Variants in CWC27 observed in about 807,000 individuals in gnomAD.
The protein encoded by CWC27 is CWC27 spliceosome associated cyclophilin.
Under a neutral mutation model 63.6 loss-of-function variants are expected in CWC27, and 47 were observed. The observed-to-expected ratio is 0.74, with a 90% CI of 0.58 to 0.94. The LOEUF is 0.94. Among genes scored for constraint, CWC27 ranks in the 40% least tolerant of loss-of-function variants. The probability of loss-of-function intolerance (pLI) is 0.00; values close to 1 mark genes in which losing one functional copy is unlikely to be tolerated. For synonymous variants in CWC27, 175 were observed against 179.8 expected (o/e 0.97, Z 0.22); for missense variants, 495 against 554.3 (o/e 0.89, Z 1.07).
intron 11 of CWC27, among the ~76,000 whole-genome samples, chr5:64,942,562 C>G (rs1748506675): frequency 6.6e-6 from 1 of 151,928 alleles, no homozygotes; most frequent in Non-Finnish European, 1.5e-5. Context: ...TGGATGTACC[C>G]CCTCTGCATA....
intron 13 of CWC27, among the ~76,000 whole-genome samples, chr5:65,012,753 G>A (rs1749985046): frequency 6.6e-6 from 1 of 152,134 alleles, no homozygotes; most frequent in African/African-American, 2.4e-5. Context: ...TTGTCATTAG[G>A]AACCAGCTGT....
At chr5:64,839,072 A>G (rs1363705235) in intron 10 of CWC27, among the ~76,000 whole-genome samples, 2 of 152,172 alleles carry the variant, frequency 1.3e-5, no homozygotes, top group East Asian at 1.9e-4. Context: ...CTTTAATGGA[A>G]TCCTTTTTGT....
At chr5:64,983,314 TAGG>T (rs1417355140) in intron 13 of CWC27, among the ~76,000 whole-genome samples, 16 of 152,344 alleles carry the variant, frequency 1.1e-4, no homozygotes, top group South Asian at 8.3e-4. Flanking sequence ...TCTGGCATGA[TAGG>T]AGCATATCTG....
At chr5:64,789,123 A>C (rs1743988327) in intron 7 of CWC27, 103 bp downstream of exon 7, 1 of 675,568 alleles carries the variant, frequency 1.5e-6, no homozygotes, top group South Asian at 2.8e-5. Context: ...CATGTTTTAC[A>C]TGGGGCAGGC....
At position 64,783,828 on chromosome 5, in the gene CWC27, C is replaced by T. The variant is rs2112165600; in HGVS notation, c.253-8C>T. On this transcript the variant is annotated splice_polypyrimidine_tract_variant and splice_region_variant and intron_variant, in intron 3 of 13. Transcript: ENST00000381070. ...TGAGGACATTCACTAAATCTTTTTA[C>T]ATTTCAGGATGAATTTCATTCACGG... is the stretch of plus-strand genomic sequence containing the variant. 6.4e-7 allele frequency: 1 copy of T among 1,551,790 alleles called. No individual in the cohort carries two copies. Among genetic ancestry groups the T allele is most frequent in the South Asian group, 1.3e-5 (1 of 79,956 alleles).
intron 10 of CWC27, among the ~76,000 whole-genome samples, chr5:64,861,253 A>AT (rs903260364): frequency 9.1e-4 from 131 of 143,522 alleles, no homozygotes; most frequent in East Asian, 5.2e-3. Context: ...GCCTCTTCTT[A>AT]TTTTTTTTTT....
intron 11 of CWC27, among the ~76,000 whole-genome samples, chr5:64,940,842 CTT>C (rs70983655): frequency 0.02 from 1,285 of 64,988 alleles, 5 homozygotes; most frequent in Admixed American, 0.075. Flanking sequence ...TTCTTTCTTT[CTT>C]TTTTTTTTTT....
chr5:64,853,382 A>G (rs537976925), intron 10 of CWC27, among the ~76,000 whole-genome samples: 3 of 152,338 alleles, frequency 2.0e-5, no homozygotes, highest in Non-Finnish European at 4.4e-5. Flanking sequence ...ATTGAGCACT[A>G]TCATATGCAA....
chr5:65,018,569 T>A lies in CWC27; in HGVS notation c.*248T>A, dbSNP rs1008424868. On this transcript the variant is annotated 3_prime_UTR_variant, in exon 14 of 14. Transcript: ENST00000381070. ...TGCTAAATCTGAAATAAAATAACTT[T>A]CCTTCCACATTACATGTTAACCATT... The A allele has an allele frequency of 3.5e-6, 1 of 287,768 alleles. No individual in the cohort carries two copies. The highest frequency in any genetic ancestry group is 6.4e-6 in the Non-Finnish European group (1 of 156,514). The allele number at this position is 287,768 out of a possible 1,614,324, so 17.8% of individuals were successfully genotyped here.
At chr5:64,878,470 T>TAAAAAAAAAAGAAAAAA (rs1746850081) in intron 10 of CWC27, among the ~76,000 whole-genome samples, 1 of 26,914 alleles carries the variant, frequency 3.7e-5, no homozygotes, top group East Asian at 1.6e-3. Context: ...GGTTACAGAT[T>TAAAAAAAAAAGAAAAAA]AAAAAAAAAA....
chr5:64,909,442 T>C (rs1747738239), intron 11 of CWC27, among the ~76,000 whole-genome samples: 3 of 152,194 alleles, frequency 2.0e-5, no homozygotes, highest in Admixed American at 2.0e-4. Flanking sequence ...GGAGTATCTT[T>C]GTGGTGTTCT....
intron 11 of CWC27, among the ~76,000 whole-genome samples, chr5:64,951,245 G>A (rs928837859): frequency 7.9e-5 from 12 of 151,460 alleles, no homozygotes; most frequent in African/African-American, 2.2e-4. Context: ...TGGTATTATC[G>A]GTGTTTAATT....
chr5:64,942,250 C>T (rs1021284625), intron 11 of CWC27, among the ~76,000 whole-genome samples: 2 of 151,406 alleles, frequency 1.3e-5, no homozygotes, highest in East Asian at 1.9e-4. Flanking sequence ...CATAGTAAGA[C>T]CCCCGTCTCT....
At chr5:64,987,487 A>G (rs1287018424) in intron 13 of CWC27, among the ~76,000 whole-genome samples, 2 of 152,198 alleles carry the variant, frequency 1.3e-5, no homozygotes, top group East Asian at 3.8e-4. Flanking sequence ...ACTCAACAGG[A>G]GAAGACTCTG....
At chr5:64,957,515 G>A (rs1047995778) in intron 11 of CWC27, among the ~76,000 whole-genome samples, 1 of 152,104 alleles carries the variant, frequency 6.6e-6, no homozygotes, top group African/African-American at 2.4e-5. Flanking sequence ...AATTTAAACA[G>A]GAACAACAAA....
At chr5:64,898,525 T>G (rs556542097) in intron 11 of CWC27, among the ~76,000 whole-genome samples, 3 of 152,318 alleles carry the variant, frequency 2.0e-5, no homozygotes, top group African/African-American at 7.2e-5. Flanking sequence ...CATTTGTCAC[T>G]TGTTTTTTCC....
At position 64,997,326 on chromosome 5, in the gene CWC27, G is replaced by T. The variant is rs1197882120; in HGVS notation, c.1256+20088G>T. ...AAAGTGTAAACTGGGGATAATAATAGTACCTTTTTGGTAGGTCAGTTTGTG... is the reference window on the plus strand; with the variant it reads ...AAAGTGTAAACTGGGGATAATAATATTACCTTTTTGGTAGGTCAGTTTGTG... On this transcript the variant is annotated intron_variant, in intron 13 of 13. Coordinates refer to ENST00000381070, the MANE Select transcript of CWC27 (RefSeq NM_005869.4). Among the ~76,000 whole-genome samples the T allele has an allele frequency of 2.0e-5, 3 of 152,058 alleles. 1 individual carries two copies. Among genetic ancestry groups the T allele is most frequent in the East Asian group, 3.8e-4 (2 of 5,198 alleles).
chr5:64,879,003 C>T (rs1746871015), intron 10 of CWC27, among the ~76,000 whole-genome samples: 1 of 151,848 alleles, frequency 6.6e-6, no homozygotes, highest in Non-Finnish European at 1.5e-5. Context: ...AAAGGTCAGA[C>T]TGGAGGCACG....
At chr5:64,983,998 A>T (rs1376409731) in intron 13 of CWC27, among the ~76,000 whole-genome samples, 1 of 151,758 alleles carries the variant, frequency 6.6e-6, no homozygotes, top group Non-Finnish European at 1.5e-5. Context: ...CGCCCGGCTA[A>T]TTTTTTGTAT....
Sources: gnomAD v4.1 joint callset for allele counts (sites outside exome capture counted in the v4.1 genomes callset) on GRCh38, gnomAD v4.1.1 for gene constraint, MANE v1.5 for transcripts, NCBI Gene and HGNC (gene_info 2026-07-23, HGNC 2026-07-21) for gene names.